The following USP12 variants were observed in gnomAD, a reference collection of about 807,000 sequenced individuals.
The protein encoded by USP12 is ubiquitin specific peptidase 12.
A neutral mutation model predicts 45.5 loss-of-function variants in USP12; 19 were observed. The ratio of observed to expected loss-of-function variants is 0.42; its 90% CI spans 0.29 to 0.61. USP12 has a LOEUF of 0.61. Among genes scored for constraint, USP12 ranks in the 20% least tolerant of loss-of-function variants. The probability of loss-of-function intolerance (pLI) is 0.22; values close to 1 mark genes in which losing one functional copy is unlikely to be tolerated. For missense variants in USP12, 242 were observed against 447.7 expected (o/e 0.54, Z 4.15); for synonymous variants, 149 against 148.8 (o/e 1.00, Z -0.01).
Position 27,102,051 on chromosome 13 carries a change from G to A in USP12, c.343+3680C>T, listed in dbSNP as rs184154003. Among the ~76,000 whole-genome samples, 13 of 151,750 alleles carry A rather than the reference G, an allele frequency of 8.6e-5. No individual in the cohort carries two copies. The East Asian group carries it at 2.3e-3, about 27-fold the overall frequency. ...TGAATGAATGAATGAATGGACAATA[G>A]GGATTGAAACAACTAAGATGATGAC... On this transcript the variant is annotated intron_variant, in intron 3 of 8. Transcript: ENST00000282344.
At chr13:27,108,482 A>T (rs2137789395) in intron 2 of USP12, among the ~76,000 whole-genome samples, 1 of 151,748 alleles carries the variant, frequency 6.6e-6, no homozygotes, top group South Asian at 2.1e-4. Context: ...ATGTATACAT[A>T]TGTAGCTAAC....
chr13:27,069,727 C>A (rs1873151867), intron 8 of USP12, among the ~76,000 whole-genome samples: 1 of 152,228 alleles, frequency 6.6e-6, no homozygotes. Flanking sequence ...GCGGGCAGAT[C>A]ACCTGGGGTC....
intron 1 of USP12, among the ~76,000 whole-genome samples, chr13:27,135,452 C>G (rs1438961279): frequency 1.3e-5 from 2 of 152,014 alleles, no homozygotes; most frequent in Non-Finnish European, 1.5e-5. Context: ...CTGGCTCACG[C>G]CTATAATCCC....
At chr13:27,126,775 C>T (rs1876257400) in intron 1 of USP12, among the ~76,000 whole-genome samples, 2 of 152,148 alleles carry the variant, frequency 1.3e-5, no homozygotes, top group Non-Finnish European at 2.9e-5. Context: ...AAATTTAGAA[C>T]AAATATTTGT....
chr13:27,095,288 T>G (rs533752675), intron 4 of USP12, among the ~76,000 whole-genome samples: 1 of 152,190 alleles, frequency 6.6e-6, no homozygotes. Flanking sequence ...GCCTCCCTGA[T>G]CTGTATGATC....
At chr13:27,128,534 A>G (rs945824825) in intron 1 of USP12, among the ~76,000 whole-genome samples, 1 of 152,234 alleles carries the variant, frequency 6.6e-6, no homozygotes, top group African/African-American at 2.4e-5. Context: ...ACCTAAGGCA[A>G]AAAGGGTGGG....
chr13:27,117,001 G>A (rs1317203229), intron 1 of USP12, among the ~76,000 whole-genome samples: 1 of 151,998 alleles, frequency 6.6e-6, no homozygotes, highest in African/African-American at 2.4e-5. Flanking sequence ...ACACATGATC[G>A]TATTTTCATA....
At chr13:27,069,462 A>C in intron 8 of USP12, 78 bp from the exon 9 acceptor site, 212 of 990,464 alleles carry the variant, frequency 2.1e-4, no homozygotes, top group Middle Eastern at 4.2e-4. Context: ...AAGACTGACA[A>C]TACCAAGTAT....
intron 1 of USP12, among the ~76,000 whole-genome samples, chr13:27,126,139 C>T (rs1003083322): frequency 6.6e-6 from 1 of 152,220 alleles, no homozygotes; most frequent in Non-Finnish European, 1.5e-5. Context: ...CATGGTGTTT[C>T]GAGCTCTGAT....
intron 2 of USP12, among the ~76,000 whole-genome samples, chr13:27,106,635 G>A (rs1875151651): frequency 6.6e-6 from 1 of 151,996 alleles, no homozygotes; most frequent in Non-Finnish European, 1.5e-5. Context: ...ACAGTATTAG[G>A]TTAAAAAGGC....
At chr13:27,128,896 G>T (rs1019609256) in intron 1 of USP12, among the ~76,000 whole-genome samples, 1 of 152,106 alleles carries the variant, frequency 6.6e-6, no homozygotes, top group African/African-American at 2.4e-5. Context: ...CTCCTGAGAA[G>T]AAAATCACTA....
At chr13:27,073,994 G>A (rs1356415756) in intron 7 of USP12, among the ~76,000 whole-genome samples, 1 of 152,184 alleles carries the variant, frequency 6.6e-6, no homozygotes, top group Non-Finnish European at 1.5e-5. Flanking sequence ...TAATTTAGAA[G>A]TAGAAGAAAG....
intron 1 of USP12, among the ~76,000 whole-genome samples, chr13:27,168,269 T>C (rs1321040536): frequency 6.6e-6 from 1 of 152,200 alleles, no homozygotes; most frequent in Admixed American, 6.5e-5. Context: ...CTCCGTTGTC[T>C]GGTCCCCCTC....
chr13:27,155,288 G>T (rs140723717), intron 1 of USP12, among the ~76,000 whole-genome samples: 1 of 151,472 alleles, frequency 6.6e-6, no homozygotes, highest in African/African-American at 2.4e-5. Flanking sequence ...TCACCATGTT[G>T]GCCAAGATGG....
intron 1 of USP12, among the ~76,000 whole-genome samples, chr13:27,156,553 C>G (rs1190823058): frequency 6.6e-6 from 1 of 152,212 alleles, no homozygotes; most frequent in Non-Finnish European, 1.5e-5. Context: ...GGCAGTGGCT[C>G]ACGCCTGTAA....
At chr13:27,100,405 T>C (rs957096036) in intron 3 of USP12, among the ~76,000 whole-genome samples, 1 of 152,172 alleles carries the variant, frequency 6.6e-6, no homozygotes, top group African/African-American at 2.4e-5. Flanking sequence ...TTATCAACCT[T>C]TGGCATTTTC....
chr13:27,084,217 C>A (rs1406611306), intron 6 of USP12, among the ~76,000 whole-genome samples: 1 of 99,028 alleles, frequency 1.0e-5, no homozygotes, highest in Non-Finnish European at 2.2e-5. Context: ...CACACACACA[C>A]AAATTCCTGT....
intron 1 of USP12, among the ~76,000 whole-genome samples, chr13:27,138,972 A>C (rs1876933037): frequency 6.6e-6 from 1 of 152,210 alleles, no homozygotes; most frequent in Non-Finnish European, 1.5e-5. Context: ...TTCAACGGTA[A>C]GGTGTATGAT....
intron 6 of USP12, among the ~76,000 whole-genome samples, chr13:27,089,138 G>T (rs1161757873): frequency 1.3e-5 from 2 of 152,180 alleles, no homozygotes; most frequent in African/African-American, 4.8e-5. Flanking sequence ...AATGCTAAAT[G>T]TAATGTGGGA....
Sources: allele counts gnomAD v4.1 joint callset (sites outside exome capture counted in the v4.1 genomes callset), GRCh38; gene constraint gnomAD v4.1.1; transcripts MANE v1.5; gene names NCBI Gene and HGNC (gene_info 2026-07-23, HGNC 2026-07-21).